The following DCLK1 variants were observed in gnomAD, a reference collection of about 807,000 sequenced individuals.
DCLK1 encodes the protein serine/threonine-protein kinase DCLK1.
A neutral mutation model predicts 86.2 loss-of-function variants in DCLK1; 16 were observed. The ratio of observed to expected loss-of-function variants is 0.19; its 90% CI spans 0.13 to 0.28. DCLK1 has a LOEUF of 0.28. Among genes scored for constraint, DCLK1 ranks in the 10% least tolerant of loss-of-function variants. DCLK1 has a pLI of 1.00. For missense variants in DCLK1, 590 were observed against 940.2 expected (o/e 0.63, Z 4.87); for synonymous variants, 369 against 370.5 (o/e 1.00, Z 0.05).
At chr13:35,941,590 C>A (rs146989774) in intron 4 of DCLK1, among the ~76,000 whole-genome samples, 4 of 152,044 alleles carry the variant, frequency 2.6e-5, no homozygotes, top group African/African-American at 9.7e-5. Flanking sequence ...TACACGTGCA[C>A]GGGCATACAC....
intron 16 of DCLK1, among the ~76,000 whole-genome samples, chr13:35,779,313 A>G (rs756266791): frequency 6.6e-6 from 1 of 151,938 alleles, no homozygotes; most frequent in East Asian, 1.9e-4. Context: ...AAATTTTACC[A>G]CCTGTACCAT....
intron 4 of DCLK1, among the ~76,000 whole-genome samples, chr13:35,939,715 T>C (rs1206450060): frequency 6.6e-6 from 1 of 152,182 alleles, no homozygotes; most frequent in East Asian, 1.9e-4. Flanking sequence ...TTCTTTAAAA[T>C]AAAAACTGTA....
intron 3 of DCLK1, among the ~76,000 whole-genome samples, chr13:36,005,621 C>T (rs953083527): frequency 1.1e-4 from 17 of 152,186 alleles, no homozygotes; most frequent in African/African-American, 3.9e-4. Context: ...TATTCAACCA[C>T]AAAAGCTGTA....
At chr13:35,868,094 C>T (rs1003147797) in intron 5 of DCLK1, among the ~76,000 whole-genome samples, 2 of 148,920 alleles carry the variant, frequency 1.3e-5, no homozygotes, top group African/African-American at 5.0e-5. Context: ...ACCATCTCCG[C>T]TCACTGCAAG....
chr13:35,996,735 C>G, intron 3 of DCLK1, among the ~76,000 whole-genome samples: 1 of 152,106 alleles, frequency 6.6e-6, no homozygotes, highest in Non-Finnish European at 1.5e-5. Flanking sequence ...CCTATTGGTT[C>G]TGTTTCTATG....
intron 5 of DCLK1, among the ~76,000 whole-genome samples, chr13:35,864,426 G>C (rs183536608): frequency 0.016 from 1,892 of 119,852 alleles, 441 homozygotes; most frequent in African/African-American, 0.061. Flanking sequence ...TTAGCCGGGC[G>C]TAGTGGCGGG....
intron 3 of DCLK1, among the ~76,000 whole-genome samples, chr13:36,038,645 G>A (rs1235455498): frequency 6.6e-6 from 1 of 152,142 alleles, no homozygotes. Context: ...AGGTAGGTGG[G>A]TAGGTAGCTG....
At chr13:35,811,091 T>C (rs1444262147) in intron 11 of DCLK1, 123 bp from the exon 12 acceptor site, 1 of 1,202,332 alleles carries the variant, frequency 8.3e-7, no homozygotes, top group East Asian at 2.4e-5. Context: ...ATTAGGCAAT[T>C]ATGCAAGAAT....
chr13:36,017,206 T>C (rs1881569558), intron 3 of DCLK1, among the ~76,000 whole-genome samples: 1 of 152,222 alleles, frequency 6.6e-6, no homozygotes, highest in Non-Finnish European at 1.5e-5. Context: ...TTGGAGTTAC[T>C]GATCGTATCT....
rs141849169 is a variant in DCLK1, at chr13:36,051,155, A to C, written c.723+60714T>G. 9.8e-3 allele frequency among the ~76,000 whole-genome samples: 1,496 copies of C among 152,350 alleles called. 31 individuals are homozygous for C. The highest frequency in any genetic ancestry group is 0.034 in the African/African-American group (1,429 of 41,584). On this transcript the variant is annotated intron_variant, in intron 3 of 16. Coordinates refer to ENST00000360631, the MANE Select transcript of DCLK1 (RefSeq NM_001330071.2). ...TTAAGAAATTTTAAAAATGAGGAGA[A>C]GATAAAAGCACCATAATCAAAACAT...
intron 3 of DCLK1, among the ~76,000 whole-genome samples, chr13:36,011,365 G>C (rs1321134656): frequency 8.0e-6 from 1 of 125,624 alleles, no homozygotes; most frequent in Non-Finnish European, 1.7e-5. Context: ...TGGGCATTTA[G>C]TGCTATAAAT....
chr13:36,111,257 T>A (rs1885608285), intron 3 of DCLK1, among the ~76,000 whole-genome samples: 1 of 152,194 alleles, frequency 6.6e-6, no homozygotes, highest in African/African-American at 2.4e-5. Context: ...CACATTAAAA[T>A]GACCACCCAT....
chr13:35,859,096 T>C (rs1871242462), intron 5 of DCLK1, among the ~76,000 whole-genome samples: 2 of 152,256 alleles, frequency 1.3e-5, no homozygotes, highest in African/African-American at 2.4e-5. Context: ...ACTTATTTAA[T>C]AGAACTTATT....
chr13:35,948,026 C>T (rs1269068627), intron 3 of DCLK1, among the ~76,000 whole-genome samples: 1 of 152,172 alleles, frequency 6.6e-6, no homozygotes, highest in African/African-American at 2.4e-5. Flanking sequence ...GTATGCCCAC[C>T]ACCCAAGCTC....
intron 3 of DCLK1, among the ~76,000 whole-genome samples, chr13:36,069,902 G>A (rs558931691): frequency 3.3e-5 from 5 of 152,234 alleles, no homozygotes; most frequent in African/African-American, 7.2e-5. Flanking sequence ...ATCCATCAGC[G>A]ATAGGATTGA....
intron 3 of DCLK1, among the ~76,000 whole-genome samples, chr13:36,063,223 G>C (rs1214041243): frequency 6.6e-6 from 1 of 152,122 alleles, no homozygotes; most frequent in Non-Finnish European, 1.5e-5. Flanking sequence ...AAGTGCCTTT[G>C]GGTTTGCCTT....
chr13:35,911,797 A>G (rs1386719928), intron 4 of DCLK1, among the ~76,000 whole-genome samples: 1 of 152,150 alleles, frequency 6.6e-6, no homozygotes, highest in Non-Finnish European at 1.5e-5. Context: ...ACACCCTTTA[A>G]CTTATACAGA....
chr13:36,015,120 C>T (rs573694339), intron 3 of DCLK1, among the ~76,000 whole-genome samples: 7 of 152,172 alleles, frequency 4.6e-5, no homozygotes, highest in Non-Finnish European at 7.4e-5. Flanking sequence ...AATATATTTC[C>T]AGCCCTTGGC....
At position 35,887,464 on chromosome 13, in the gene DCLK1, T is replaced by C. The variant is rs188450465; in HGVS notation, c.824-16124A>G. On this transcript the variant is annotated intron_variant, in intron 4 of 16. Transcript: ENST00000360631. Reference sequence around the variant, plus strand: ...TGGATTTCTGGCTGCGTGATCTGGTTGCTCACAATTCCCAAGGGAGGCTGC... The same window carrying C: ...TGGATTTCTGGCTGCGTGATCTGGTCGCTCACAATTCCCAAGGGAGGCTGC... 2.2e-3 allele frequency among the ~76,000 whole-genome samples: 339 copies of C among 152,308 alleles called. 3 individuals carry two copies. The highest frequency in any genetic ancestry group is 2.8e-3 in the Non-Finnish European group (188 of 68,024).
Sources: allele counts gnomAD v4.1 joint callset (sites outside exome capture counted in the v4.1 genomes callset), GRCh38; gene constraint gnomAD v4.1.1; transcripts MANE v1.5; gene names NCBI Gene and HGNC (gene_info 2026-07-23, HGNC 2026-07-21).